Variants in ASCC1 observed in about 807,000 individuals in gnomAD.
The protein encoded by ASCC1 is ASC-1 complex subunit P50.
ASCC1 carries 35 observed loss-of-function variants against 46.6 expected under a neutral mutation model. That is an observed-to-expected ratio of 0.75 (90% CI 0.57 to 0.99). The LOEUF (loss-of-function observed/expected upper bound fraction) is 0.99. Among genes scored for constraint, ASCC1 ranks in the 50% least tolerant of loss-of-function variants. The pLI, the probability that ASCC1 is intolerant of heterozygous loss-of-function variation, is 0.00. For synonymous variants in ASCC1, 143 were observed against 146.6 expected, an observed-to-expected ratio of 0.98 and a Z score of 0.18; for missense variants, 376 against 428.7, an observed-to-expected ratio of 0.88 and a Z score of 1.09.
intron 7 of ASCC1, 109 bp downstream of exon 7, chr10:72,152,760 A>G (rs1397707471): frequency 1.6e-6 from 2 of 1,281,114 alleles, no homozygotes; most frequent in South Asian, 1.3e-5. Flanking sequence ...AATAATTAAC[A>G]TGTTCTTTAC....
At chr10:72,208,069 A>G (rs1372570278) in intron 3 of ASCC1, among the ~76,000 whole-genome samples, 2 of 152,024 alleles carry the variant, frequency 1.3e-5, no homozygotes, top group African/African-American at 4.8e-5. Flanking sequence ...GGCTCAAGCA[A>G]TCCTCCCATC....
At chr10:72,150,710 G>A (rs1848221753) in intron 7 of ASCC1, among the ~76,000 whole-genome samples, 1 of 151,844 alleles carries the variant, frequency 6.6e-6, no homozygotes. Context: ...TCTGACAAAG[G>A]GCTAATATCC....
intron 5 of ASCC1, among the ~76,000 whole-genome samples, chr10:72,196,521 A>G (rs1431460448): frequency 6.6e-6 from 1 of 152,054 alleles, no homozygotes; most frequent in Non-Finnish European, 1.5e-5. Flanking sequence ...ACCTCAAGTG[A>G]TCTGCCTACC....
intron 3 of ASCC1, among the ~76,000 whole-genome samples, chr10:72,207,813 G>C (rs557958159): frequency 8.9e-6 from 1 of 112,506 alleles, no homozygotes; most frequent in African/African-American, 3.6e-5. Context: ...AGAAATCTTA[G>C]TATTTTTTTT....
chr10:72,204,993 G>A (rs1480871328), intron 3 of ASCC1, among the ~76,000 whole-genome samples: 1 of 152,170 alleles, frequency 6.6e-6, no homozygotes, highest in Non-Finnish European at 1.5e-5. Context: ...GGTTTAAAAG[G>A]CTTTAGAATC....
chr10:72,159,748 A>G (rs1276922878), intron 6 of ASCC1, among the ~76,000 whole-genome samples: 1 of 152,206 alleles, frequency 6.6e-6, no homozygotes, highest in South Asian at 2.1e-4. Flanking sequence ...AGCAAAGAAC[A>G]TGACAAGAAG....
chr10:72,148,651 A>G (rs1847917665), intron 7 of ASCC1, among the ~76,000 whole-genome samples: 1 of 152,238 alleles, frequency 6.6e-6, no homozygotes, highest in Non-Finnish European at 1.5e-5. Flanking sequence ...ATATTAACAT[A>G]TTTTAAATAC....
intron 9 of ASCC1, chr10:72,102,367 T>G: frequency 6.5e-7 from 1 of 1,549,786 alleles, no homozygotes; most frequent in Non-Finnish European, 8.7e-7. Flanking sequence ...CCCTTCTCGA[T>G]TCTAGGATTT....
chr10:72,188,727 A>G (rs1853897783), intron 5 of ASCC1, among the ~76,000 whole-genome samples: 1 of 152,134 alleles, frequency 6.6e-6, no homozygotes, highest in Non-Finnish European at 1.5e-5. Flanking sequence ...TTAAATGCTT[A>G]TTATGTATCA....
chr10:72,214,192 A>AAAC (rs140671862), intron 1 of ASCC1, among the ~76,000 whole-genome samples: 2 of 151,318 alleles, frequency 1.3e-5, no homozygotes, highest in South Asian at 2.1e-4. Flanking sequence ...GTCTCTCAAA[A>AAAC]AACAACAACA....
At chr10:72,155,222 G>A (rs576824335) in intron 6 of ASCC1, among the ~76,000 whole-genome samples, 20 of 152,208 alleles carry the variant, frequency 1.3e-4, no homozygotes, top group African/African-American at 4.1e-4. Context: ...ACTGCACTGC[G>A]TATCCTTTGC....
intron 5 of ASCC1, among the ~76,000 whole-genome samples, chr10:72,174,905 A>G (rs1170141887): frequency 6.6e-6 from 1 of 152,216 alleles, no homozygotes; most frequent in Non-Finnish European, 1.5e-5. Flanking sequence ...AACCTAAATA[A>G]TTATCTGCTA....
chr10:72,204,699 T>C (rs1456331880), intron 3 of ASCC1, among the ~76,000 whole-genome samples: 1 of 152,218 alleles, frequency 6.6e-6, no homozygotes, highest in Admixed American at 6.5e-5. Context: ...GCCCAATTAC[T>C]TCCCTTAAGA....
At chr10:72,129,507 A>T (rs2132251462) in intron 8 of ASCC1, among the ~76,000 whole-genome samples, 1 of 151,876 alleles carries the variant, frequency 6.6e-6, no homozygotes, top group East Asian at 1.9e-4. Context: ...TTGTCACTAT[A>T]AAAAAAAGTT....
Position 72,096,832 on chromosome 10 carries a change from T to C in ASCC1, c.*502A>G, listed in dbSNP as rs769260665. 3 of 454,092 alleles carry C rather than the reference T, an allele frequency of 6.6e-6. No homozygotes were observed. Among genetic ancestry groups the C allele is most frequent in the South Asian group, 4.7e-5 (3 of 64,472 alleles). The allele number at this position is 454,092 out of a possible 1,614,324, so 28.1% of individuals were successfully genotyped here. A position where few individuals can be genotyped will look rare whatever the true frequency, so the allele number is the denominator to read the frequency against. Reference sequence around the variant, plus strand: ...CACAAAAAGACAAGTCACTGTATGATTCCACTTATATGAGATACTGAGAAT... The same window carrying C: ...CACAAAAAGACAAGTCACTGTATGACTCCACTTATATGAGATACTGAGAAT... On this transcript the variant is annotated 3_prime_UTR_variant, in exon 10 of 10. Transcript: ENST00000672957.
chr10:72,125,104 A>G (rs999727715), intron 9 of ASCC1, among the ~76,000 whole-genome samples: 1 of 152,262 alleles, frequency 6.6e-6, no homozygotes, highest in Non-Finnish European at 1.5e-5. Context: ...TAAGGCTCCC[A>G]GAACACATAT....
At chr10:72,124,497 A>G (rs59892948) in intron 9 of ASCC1, among the ~76,000 whole-genome samples, 2,043 of 152,238 alleles carry the variant, frequency 0.013, 51 homozygotes, top group African/African-American at 0.047. Flanking sequence ...AACAGTTAAC[A>G]TTGTACCCCT....
intron 4 of ASCC1, among the ~76,000 whole-genome samples, chr10:72,197,467 CAAAAA>C (rs59460393): frequency 1.9e-5 from 1 of 51,364 alleles, no homozygotes; most frequent in African/African-American, 7.9e-5. Flanking sequence ...GACTCTATCT[CAAAAA>C]AAAAAAAAAA....
At chr10:72,198,871 C>T (rs913610816) in intron 4 of ASCC1, among the ~76,000 whole-genome samples, 3 of 152,176 alleles carry the variant, frequency 2.0e-5, no homozygotes, top group African/African-American at 7.2e-5. Flanking sequence ...GGCTGCAGTG[C>T]AGTGGTACAA....
Sources: gnomAD v4.1 joint callset for allele counts (sites outside exome capture counted in the v4.1 genomes callset) on GRCh38, gnomAD v4.1.1 for gene constraint, MANE v1.5 for transcripts, NCBI Gene and HGNC (gene_info 2026-07-23, HGNC 2026-07-21) for gene names.